Variants in CSMD3 observed in about 807,000 individuals in gnomAD.
CSMD3 encodes CUB and sushi domain-containing protein 3.
A neutral mutation model predicts 435.2 loss-of-function variants in CSMD3; 177 were observed. The ratio of observed to expected loss-of-function variants is 0.41; its 90% CI spans 0.36 to 0.46. The LOEUF (loss-of-function observed/expected upper bound fraction) is 0.46. CSMD3 is among the 20% of genes least tolerant of loss of function. The pLI is 0.34. For synonymous variants in CSMD3, 1,656 were observed against 1,520.5 expected, an observed-to-expected ratio of 1.09 and a Z score of -2.07; for missense variants, 4,265 against 4,504.6, an observed-to-expected ratio of 0.95 and a Z score of 1.52.
chr8:112,652,248 A>G (rs572113259), intron 18 of CSMD3, among the ~76,000 whole-genome samples: 2 of 152,282 alleles, frequency 1.3e-5, no homozygotes, highest in East Asian at 3.9e-4. Context: ...GCTTTGTCTC[A>G]TAGGAATACC....
intron 5 of CSMD3, among the ~76,000 whole-genome samples, chr8:113,051,822 C>A (rs762560332): frequency 6.6e-6 from 1 of 152,088 alleles, no homozygotes; most frequent in Non-Finnish European, 1.5e-5. Context: ...CAACACCTAA[C>A]CTTCAATGAA....
chr8:112,689,827 G>T (rs547938077), intron 14 of CSMD3, 41 bp downstream of exon 14: 1 of 1,547,390 alleles, frequency 6.5e-7, no homozygotes, highest in Non-Finnish European at 8.9e-7. Context: ...GCAAGGACAG[G>T]GTAACATATG....
intron 10 of CSMD3, among the ~76,000 whole-genome samples, chr8:112,868,200 G>C (rs908291029): frequency 6.6e-6 from 1 of 151,902 alleles, no homozygotes; most frequent in Non-Finnish European, 1.5e-5. Context: ...AGATCCTCAG[G>C]GGTAATAATA....
At chr8:112,739,047 A>T (rs2077246293) in intron 13 of CSMD3, among the ~76,000 whole-genome samples, 1 of 151,744 alleles carries the variant, frequency 6.6e-6, no homozygotes, top group South Asian at 2.1e-4. Flanking sequence ...TCAGGAAATA[A>T]AGGTTATAAA....
chr8:113,191,133 C>A (rs2092578865), intron 3 of CSMD3, among the ~76,000 whole-genome samples: 2 of 151,772 alleles, frequency 1.3e-5, no homozygotes, highest in Admixed American at 6.6e-5. Context: ...TACAGAGAAA[C>A]ACCAGGAACT....
chr8:112,602,746 A>G (rs1323858923), intron 22 of CSMD3, among the ~76,000 whole-genome samples: 1 of 151,774 alleles, frequency 6.6e-6, no homozygotes, highest in Non-Finnish European at 1.5e-5. Flanking sequence ...AAGCTAGAGC[A>G]AAAATGTTAT....
chr8:112,983,932 G>A (rs558445971), intron 6 of CSMD3, among the ~76,000 whole-genome samples: 1 of 152,012 alleles, frequency 6.6e-6, no homozygotes, highest in South Asian at 2.1e-4. Flanking sequence ...AGAAACACAG[G>A]CCAAAAACGT....
chr8:112,404,990 C>G (rs1411438564), intron 35 of CSMD3, among the ~76,000 whole-genome samples: 1 of 150,630 alleles, frequency 6.6e-6, no homozygotes, highest in East Asian at 2.0e-4. Context: ...CCAGCCTAGA[C>G]AACATGGTGA....
intron 25 of CSMD3, among the ~76,000 whole-genome samples, chr8:112,554,115 C>T (rs1260117001): frequency 6.6e-6 from 1 of 151,894 alleles, no homozygotes; most frequent in Non-Finnish European, 1.5e-5. Flanking sequence ...TTGGACTTAT[C>T]AGCCCCCACC....
At chr8:113,359,295 T>A (rs1411748589) in intron 1 of CSMD3, among the ~76,000 whole-genome samples, 1 of 152,170 alleles carries the variant, frequency 6.6e-6, no homozygotes, top group East Asian at 1.9e-4. Context: ...ACATCCCAAG[T>A]AGGCTTCAAG....
At chr8:112,947,723 T>A (rs1049353335) in intron 9 of CSMD3, 67 bp downstream of exon 9, 2 of 750,886 alleles carry the variant, frequency 2.7e-6, no homozygotes, top group African/African-American at 3.5e-5. Context: ...TATTAGCTAC[T>A]TTAAAGATTT....
At chr8:113,404,578 T>A (rs2094524310) in intron 1 of CSMD3, among the ~76,000 whole-genome samples, 1 of 151,398 alleles carries the variant, frequency 6.6e-6, no homozygotes, top group African/African-American at 2.4e-5. Flanking sequence ...TAATATAATT[T>A]TAAAGTGAAA....
intron 13 of CSMD3, among the ~76,000 whole-genome samples, chr8:112,722,501 T>C (rs530139640): frequency 1.3e-5 from 2 of 152,268 alleles, no homozygotes; most frequent in East Asian, 3.9e-4. Flanking sequence ...TTTCAAATTG[T>C]TATGCAAAAA....
At chr8:112,743,353 G>A (rs1456533167) in intron 13 of CSMD3, among the ~76,000 whole-genome samples, 1 of 151,598 alleles carries the variant, frequency 6.6e-6, no homozygotes, top group African/African-American at 2.4e-5. Flanking sequence ...TTTCAAAGTG[G>A]GAGATCAGAA....
intron 24 of CSMD3, among the ~76,000 whole-genome samples, chr8:112,571,628 C>T (rs113335593): frequency 0.027 from 4,043 of 151,498 alleles, 72 homozygotes; most frequent in Middle Eastern, 0.073. Flanking sequence ...CAGCACTTTG[C>T]GAGGCCTAGG....
chr8:113,390,633 A>C (rs2094457589), intron 1 of CSMD3, among the ~76,000 whole-genome samples: 1 of 151,906 alleles, frequency 6.6e-6, no homozygotes, highest in African/African-American at 2.4e-5. Context: ...TCAATAGATT[A>C]ACAAGGGAAC....
At chr8:112,823,689 T>C (rs2079591537) in intron 12 of CSMD3, among the ~76,000 whole-genome samples, 1 of 152,138 alleles carries the variant, frequency 6.6e-6, no homozygotes, top group Non-Finnish European at 1.5e-5. Context: ...TGAGAGACTG[T>C]TTGTTATGAT....
At position 112,587,098 on chromosome 8, in the gene CSMD3, T is replaced by A. The variant is rs2131353085; in HGVS notation, c.3853A>T (p.Thr1285Ser). The change falls in exon 23 of 71, where the codon ACA becomes TCA. Residue 1285 changes from threonine to serine, a missense_variant. Transcript: ENST00000297405. Reference protein sequence around the residue: ...AGKGINISARTFHLAQGDVLK... With the variant: ...AGKGINISARSFHLAQGDVLK... ...ACATCTCCTTGTGCTAAATGAAATG[T>A]TCTGGCTGAAATATTGATTCCCTTT... The A allele has an allele frequency of 6.2e-7, 1 of 1,611,114 alleles. No individual in the cohort carries two copies. Among genetic ancestry groups the A allele is most frequent in the Non-Finnish European group, 8.5e-7 (1 of 1,177,956 alleles).
At chr8:112,770,725 G>A (rs1248219969) in intron 13 of CSMD3, among the ~76,000 whole-genome samples, 1 of 151,796 alleles carries the variant, frequency 6.6e-6, no homozygotes, top group Non-Finnish European at 1.5e-5. Context: ...ATATACAAAA[G>A]CATTGCTTAT....
Sources: allele counts gnomAD v4.1 joint callset (sites outside exome capture counted in the v4.1 genomes callset), GRCh38; gene constraint gnomAD v4.1.1; transcripts MANE v1.5; gene names NCBI Gene and HGNC (gene_info 2026-07-23, HGNC 2026-07-21).